ENAH: variants seen among roughly 807,000 people sequenced by gnomAD.
ENAH encodes protein enabled homolog.
In ENAH, 23 loss-of-function variants were observed where a neutral mutation model predicts 78.7. The observed-to-expected ratio is 0.29, with a 90% CI of 0.21 to 0.41. The LOEUF is 0.41. Among genes scored for constraint, ENAH ranks in the 10% least tolerant of loss-of-function variants. The pLI is 1.00. For synonymous variants in ENAH, 226 were observed against 241.0 expected (o/e 0.94, Z 0.58); for missense variants, 544 against 691.0 (o/e 0.79, Z 2.39).
intron 3 of ENAH, among the ~76,000 whole-genome samples, chr1:225,538,601 A>G (rs538995047): frequency 2.0e-5 from 1 of 50,002 alleles, no homozygotes. Flanking sequence ...AACTGTATAT[A>G]TGATTGGGTT....
At chr1:225,548,210 C>CA (rs369085247) in intron 3 of ENAH, among the ~76,000 whole-genome samples, 2 of 144,174 alleles carry the variant, frequency 1.4e-5, no homozygotes, top group African/African-American at 5.1e-5. Context: ...TTTTCATTTT[C>CA]TTTTTTTTTT....
At chr1:225,641,462 C>A (rs1661044286) in intron 1 of ENAH, among the ~76,000 whole-genome samples, 1 of 133,232 alleles carries the variant, frequency 7.5e-6, no homozygotes. Context: ...CAGCAAGACT[C>A]CATCTCTAAA....
intron 1 of ENAH, among the ~76,000 whole-genome samples, chr1:225,610,532 T>C (rs1455234443): frequency 6.6e-5 from 10 of 152,156 alleles, no homozygotes; most frequent in Admixed American, 6.5e-4. Flanking sequence ...TATGCTTGCA[T>C]TTCATTCATC....
At chr1:225,590,770 A>G (rs993965084) in intron 1 of ENAH, among the ~76,000 whole-genome samples, 3 of 152,116 alleles carry the variant, frequency 2.0e-5, no homozygotes, top group African/African-American at 4.8e-5. Context: ...CCACTGTGCC[A>G]CTACATTAAT....
At chr1:225,633,962 C>A (rs1274719282) in intron 1 of ENAH, among the ~76,000 whole-genome samples, 2 of 152,076 alleles carry the variant, frequency 1.3e-5, no homozygotes, top group Non-Finnish European at 2.9e-5. Flanking sequence ...AAAAGCTAAT[C>A]TTTAAAAATA....
At chr1:225,539,556 T>C (rs781722070) in intron 3 of ENAH, among the ~76,000 whole-genome samples, 7 of 152,186 alleles carry the variant, frequency 4.6e-5, no homozygotes, top group Non-Finnish European at 8.8e-5. Flanking sequence ...TTCCCCACAG[T>C]AGCCAGTGAT....
intron 12 of ENAH, among the ~76,000 whole-genome samples, chr1:225,500,317 G>A (rs1407048576): frequency 1.3e-5 from 2 of 152,100 alleles, no homozygotes; most frequent in East Asian, 3.9e-4. Context: ...TTAACTATAA[G>A]GCATATGAAT....
Position 225,537,249 on chromosome 1 carries a change from T to C in ENAH, c.350-6611A>G, listed in dbSNP as rs560210326. Among the ~76,000 whole-genome samples the C allele has an allele frequency of 5.3e-5, 8 of 152,302 alleles. No homozygotes were observed. In the South Asian group the frequency reaches 1.2e-3, roughly 24 times the overall value. ...TACCAATCATGTTGGCAAAAAGTCA[T>C]CTGACAAGTGTCAGAATGCAGGTAA... On this transcript the variant is annotated intron_variant, in intron 3 of 13. Transcript: ENST00000366843.
intron 1 of ENAH, among the ~76,000 whole-genome samples, chr1:225,594,822 A>ATAAGTACAAAATACTT (rs1157214327): frequency 6.6e-6 from 1 of 152,240 alleles, no homozygotes; most frequent in Non-Finnish European, 1.5e-5. Flanking sequence ...CATCTTTGCT[A>ATAAGTACAAAATACTT]TAAGTACAAA....
intron 1 of ENAH, among the ~76,000 whole-genome samples, chr1:225,610,122 T>C (rs1016413549): frequency 2.6e-5 from 4 of 151,546 alleles, no homozygotes; most frequent in Non-Finnish European, 5.9e-5. Context: ...ATTCACAGTA[T>C]ATTTAGGGGA....
At chr1:225,547,678 A>G (rs1247215954) in intron 3 of ENAH, among the ~76,000 whole-genome samples, 2 of 152,154 alleles carry the variant, frequency 1.3e-5, no homozygotes, top group African/African-American at 4.8e-5. Flanking sequence ...GCCCTTCTTG[A>G]TCACCTACCT....
rs959105874 is a variant in ENAH at position 225,493,635 on chromosome 1, G to GA, written c.*4139dup. 4 of 152,180 alleles carry GA rather than the reference G, an allele frequency of 2.6e-5. No individual in the cohort carries two copies. The highest frequency in any genetic ancestry group is 4.8e-5 in the African/African-American group (2 of 41,440). 9.4% of individuals were successfully genotyped at this position (152,180 alleles called of 1,614,324 possible). ...AGAAAAAGGTTTGGAGTTTGGAAGT[G>GA]AATGAGAGTAAATGTCTTCAGGAAA... On this transcript the variant is annotated 3_prime_UTR_variant, in exon 14 of 14. Coordinates refer to ENST00000366843, the MANE Select transcript of ENAH (RefSeq NM_018212.6).
At chr1:225,611,941 G>A (rs570629331) in intron 1 of ENAH, among the ~76,000 whole-genome samples, 13 of 152,292 alleles carry the variant, frequency 8.5e-5, no homozygotes, top group African/African-American at 2.4e-4. Context: ...ATGTATTCGT[G>A]AGGATATGGA....
At chr1:225,516,500 C>G (rs1273330523) in intron 6 of ENAH, among the ~76,000 whole-genome samples, 1 of 152,060 alleles carries the variant, frequency 6.6e-6, no homozygotes, top group Non-Finnish European at 1.5e-5. Flanking sequence ...TCTAAGTCTC[C>G]CAGAAAAATG....
At chr1:225,586,186 G>T (rs995463443) in intron 1 of ENAH, among the ~76,000 whole-genome samples, 1 of 150,124 alleles carries the variant, frequency 6.7e-6, no homozygotes, top group African/African-American at 2.5e-5. Context: ...CCCGGAAGGC[G>T]GAGGCTGCAG....
At chr1:225,601,105 A>G (rs1342181510) in intron 1 of ENAH, among the ~76,000 whole-genome samples, 1 of 152,208 alleles carries the variant, frequency 6.6e-6, no homozygotes, top group Admixed American at 6.5e-5. Context: ...ATATTCAACA[A>G]TTAACAGAAC....
Position 225,514,729 on chromosome 1 carries a change from G to T in ENAH, c.1085C>A (p.Pro362His). ...PPPPLPNQVP[P>H]PPPPPPAPPL... ...TGGGGCAGGAGGTGGTGGAGGAGGA[G>T]GGGGTACTTGATTAGGGAGAGGAGG... The change falls in exon 7 of 14, where the codon CCT (proline) becomes CAT (histidine). Residue 362 changes from proline (P) to histidine (H), a missense_variant. Coordinates refer to ENST00000366843, the MANE Select transcript of ENAH (RefSeq NM_018212.6). 2 of 1,527,080 alleles carry T rather than the reference G, an allele frequency of 1.3e-6. No homozygotes were observed. The highest frequency in any genetic ancestry group is 1.8e-6 in the Non-Finnish European group (2 of 1,113,520). The allele number at this position is 1,527,080 out of a possible 1,614,324, so 94.6% of individuals were successfully genotyped here.
chr1:225,583,433 CAAAAAAAAAAAA>C (rs67324652), intron 1 of ENAH, among the ~76,000 whole-genome samples: 1 of 100,568 alleles, frequency 9.9e-6, no homozygotes, highest in Admixed American at 1.1e-4. Context: ...GACCCTGTAT[CAAAAAAAAAAAA>C]AAAAAAAAGA....
intron 5 of ENAH, chr1:225,517,572 A>G (rs1325145317): frequency 1.3e-6 from 2 of 1,551,366 alleles, no homozygotes; most frequent in South Asian, 1.2e-5. Context: ...CAGGCCTTGG[A>G]CCAGTAGCTT....
Sources: gnomAD v4.1 joint callset for allele counts (sites outside exome capture counted in the v4.1 genomes callset) on GRCh38, gnomAD v4.1.1 for gene constraint, MANE v1.5 for transcripts, NCBI Gene and HGNC (gene_info 2026-07-23, HGNC 2026-07-21) for gene names.